Variants in TSNAX observed in about 807,000 individuals in gnomAD.
The protein encoded by TSNAX is translin-associated protein X.
In TSNAX, 12 loss-of-function variants were observed where a neutral mutation model predicts 33.0. The ratio of observed to expected loss-of-function variants is 0.36; its 90% CI spans 0.23 to 0.59. The LOEUF (loss-of-function observed/expected upper bound fraction) is 0.59, where lower values mean the gene tolerates loss of function less well. Ranked by LOEUF, TSNAX falls within the 20% of genes least tolerant of loss-of-function variation. TSNAX has a pLI of 0.74. For missense variants in TSNAX, 267 were observed against 341.3 expected (o/e 0.78, Z 1.72); for synonymous variants, 110 against 117.2 (o/e 0.94, Z 0.40).
chr1:231,565,891 T>A lies in TSNAX; in HGVS notation c.*986T>A, dbSNP rs564420236. ...TCTCCATTTATTTTTTGTTTTTTTT[T>A]AATCACAGTAGGTCTGATAGAGAAT... On this transcript the variant is annotated 3_prime_UTR_variant, in exon 6 of 6. Coordinates refer to ENST00000366639, the MANE Select transcript of TSNAX (RefSeq NM_005999.3). 2.4e-4 allele frequency: 37 copies of A among 152,262 alleles called. No individual in the cohort carries two copies. Among genetic ancestry groups the A allele is most frequent in the African/African-American group, 5.3e-4 (22 of 41,572 alleles). 9.4% of individuals were successfully genotyped at this position (152,262 alleles called of 1,614,324 possible).
intron 2 of TSNAX, among the ~76,000 whole-genome samples, chr1:231,529,629 G>A (rs567306842): frequency 1.3e-5 from 2 of 152,272 alleles, no homozygotes; most frequent in South Asian, 2.1e-4. Flanking sequence ...CTCAAGAATT[G>A]TGTACCTGAT....
At chr1:231,548,488 G>A (rs1164586793) in intron 4 of TSNAX, among the ~76,000 whole-genome samples, 1 of 152,126 alleles carries the variant, frequency 6.6e-6, no homozygotes, top group Admixed American at 6.5e-5. Context: ...CAGTTGTAGT[G>A]GTCCTTCTTG....
intron 2 of TSNAX, among the ~76,000 whole-genome samples, chr1:231,532,333 A>G (rs893414514): frequency 1.3e-5 from 2 of 151,714 alleles, no homozygotes; most frequent in Non-Finnish European, 2.9e-5. Flanking sequence ...CTGGGACTAC[A>G]GGCATGTGCC....
At chr1:231,543,056 T>C (rs567578439) in intron 4 of TSNAX, among the ~76,000 whole-genome samples, 1 of 151,914 alleles carries the variant, frequency 6.6e-6, no homozygotes, top group South Asian at 2.1e-4. Context: ...CGGGCGCCTG[T>C]AATCCCAGCT....
intron 2 of TSNAX, chr1:231,534,451 A>C (rs1264976791): frequency 6.6e-6 from 1 of 152,254 alleles, no homozygotes; most frequent in Non-Finnish European, 1.5e-5. Context: ...ACTTAGAGGT[A>C]ATAAAGTAAT....
intron 4 of TSNAX, among the ~76,000 whole-genome samples, chr1:231,557,242 T>C (rs995599162): frequency 6.6e-6 from 1 of 152,064 alleles, no homozygotes; most frequent in Non-Finnish European, 1.5e-5. Flanking sequence ...AAACCAAGTA[T>C]AGATGAACTG....
Position 231,542,528 on chromosome 1 carries a change from A to G in TSNAX, c.284A>G (p.Asp95Gly), listed in dbSNP as rs1383353473. The change falls in exon 4 of 6, where the codon GAT becomes GGT. Residue 95 changes from aspartate to glycine, a missense_variant. Physicochemically the swap from Asp to Gly is moderately conservative, Grantham distance 94. Transcript: ENST00000366639. ...DILTESEIKL[D>G]GVRQKIFQVA... The stretch of plus-strand genomic sequence containing the variant: ...TTGACTGAATCAGAAATTAAATTGG[A>G]TGGTGTCAGACAAAAGATATTCCAG... The G allele has an allele frequency of 6.2e-7, 1 of 1,613,934 alleles. No homozygotes were observed. Among genetic ancestry groups the G allele is most frequent in the Non-Finnish European group, 8.5e-7 (1 of 1,179,986 alleles).
intron 3 of TSNAX, among the ~76,000 whole-genome samples, 186 bp downstream of exon 3, chr1:231,537,513 G>T (rs1442683417): frequency 6.6e-6 from 1 of 152,114 alleles, no homozygotes; most frequent in Non-Finnish European, 1.5e-5. Context: ...GGCCAAGGCG[G>T]GCAGATCACT....
intron 3 of TSNAX, among the ~76,000 whole-genome samples, chr1:231,541,694 C>CT (rs1659584774): frequency 6.6e-6 from 1 of 152,124 alleles, no homozygotes; most frequent in Non-Finnish European, 1.5e-5. Flanking sequence ...TAAAGAACTT[C>CT]TTTTAATATT....
chr1:231,535,972 C>T (rs1466562692), intron 2 of TSNAX: 2 of 152,152 alleles, frequency 1.3e-5, no homozygotes, highest in African/African-American at 4.8e-5. Flanking sequence ...GAATTGGACA[C>T]CACAGCCTGC....
chr1:231,540,924 C>T (rs1316853363), intron 3 of TSNAX, among the ~76,000 whole-genome samples: 1 of 152,152 alleles, frequency 6.6e-6, no homozygotes, highest in Non-Finnish European at 1.5e-5. Context: ...AATATAGCTA[C>T]TCCTGTTTCG....
At position 231,528,845 on chromosome 1, in the gene TSNAX, C is replaced by T. The variant is rs1199192499; in HGVS notation, c.16+19C>T. The T allele has an allele frequency of 1.9e-6, 3 of 1,614,086 alleles. No individual in the cohort carries two copies. The highest frequency in any genetic ancestry group is 2.2e-5 in the East Asian group (1 of 44,872). On this transcript the variant is annotated intron_variant, in intron 1 of 5. Transcript: ENST00000366639. ...AAAGAAGGTGGCGTCCTTAACAACA[C>T]GGGGCGTTATTTATCCGGAGGGGGA...
chr1:231,564,282 T>G (rs978627618), intron 5 of TSNAX, among the ~76,000 whole-genome samples: 12 of 152,202 alleles, frequency 7.9e-5, no homozygotes, highest in African/African-American at 2.9e-4. Flanking sequence ...TAATGATATA[T>G]TTCAAAAGTA....
At chr1:231,560,406 T>TCTC (rs1661004718) in intron 4 of TSNAX, among the ~76,000 whole-genome samples, 1 of 32,062 alleles carries the variant, frequency 3.1e-5, no homozygotes, top group Admixed American at 4.6e-4. Context: ...TTTTCTTTTC[T>TCTC]CCCCCCCCCC....
At chr1:231,561,921 A>G (rs1661143223) in intron 5 of TSNAX, among the ~76,000 whole-genome samples, 1 of 152,194 alleles carries the variant, frequency 6.6e-6, no homozygotes, top group African/African-American at 2.4e-5. Flanking sequence ...AGTAGTTTTT[A>G]TATAGTGAGA....
chr1:231,549,623 C>T (rs201613207), intron 4 of TSNAX, among the ~76,000 whole-genome samples: 8 of 152,122 alleles, frequency 5.3e-5, no homozygotes, highest in Non-Finnish European at 8.8e-5. Context: ...CATTATTTGG[C>T]AGTAGGATGA....
chr1:231,537,325 A>G lies in TSNAX; in HGVS notation c.234A>G (p.Thr78=), dbSNP rs1659245479. 6.3e-7 allele frequency: 1 copy of G among 1,575,478 alleles called. No individual in the cohort carries two copies. The highest frequency in any genetic ancestry group is 8.7e-7 in the Non-Finnish European group (1 of 1,148,120). ...KRTIFLLHRI[T]SAPDMEDILT... ...CAATTTTTCTCCTCCATAGGATTAC[A>G]AGGTGAGTAAGCATCTTTAGAATTT... The change falls in exon 3 of 6, where the codon ACA becomes ACG. Residue 78 remains threonine, a splice_region_variant and synonymous_variant. Coordinates refer to ENST00000366639, the MANE Select transcript of TSNAX (RefSeq NM_005999.3).
chr1:231,553,443 T>C (rs1660467876), intron 4 of TSNAX, among the ~76,000 whole-genome samples: 1 of 152,200 alleles, frequency 6.6e-6, no homozygotes, highest in South Asian at 2.1e-4. Flanking sequence ...TAATTGGATT[T>C]CATCCAAGGC....
rs1385273685 is a variant in TSNAX, at chr1:231,537,323, A to T, written c.232A>T (p.Thr78Ser). ...KRTIFLLHRI[T>S]SAPDMEDILT... ...GACAATTTTTCTCCTCCATAGGATT[A>T]CAAGGTGAGTAAGCATCTTTAGAAT... Residue 78 changes from threonine to serine, a missense_variant, in exon 3 of 6, where the codon ACA (threonine) becomes TCA (serine). This residue lies in a region of TSNAX where 200 missense variants were observed against 214.1 expected (regional missense o/e 0.93). Transcript: ENST00000366639. 9.4e-6 allele frequency: 15 copies of T among 1,588,976 alleles called. No homozygotes were observed. Among genetic ancestry groups the T allele is most frequent in the Non-Finnish European group, 1.3e-5 (15 of 1,159,790 alleles).
Sources: allele counts gnomAD v4.1 joint callset (sites outside exome capture counted in the v4.1 genomes callset), GRCh38; gene constraint gnomAD v4.1.1; regional missense constraint gnomAD v4.1.1; transcripts MANE v1.5; gene names NCBI Gene and HGNC (gene_info 2026-07-23, HGNC 2026-07-21).